MYO1G: variants seen among roughly 807,000 people sequenced by gnomAD.
MYO1G encodes unconventional myosin-Ig.
Under a neutral mutation model 115.3 loss-of-function variants are expected in MYO1G, and 65 were observed. The ratio of observed to expected loss-of-function variants is 0.56; its 90% CI spans 0.46 to 0.69. The LOEUF (loss-of-function observed/expected upper bound fraction) is 0.69. MYO1G is among the 30% of genes least tolerant of loss of function. The pLI, the probability that MYO1G is intolerant of heterozygous loss-of-function variation, is 0.00. For missense variants in MYO1G, 1,204 were observed against 1,393.5 expected (o/e 0.86, Z 2.16); for synonymous variants, 510 against 552.6 (o/e 0.92, Z 1.08).
chr7:44,975,112 C>T, intron 5 of MYO1G, 62 bp downstream of exon 5: 12 of 1,551,920 alleles, frequency 7.7e-6, no homozygotes, highest in East Asian at 2.2e-5. Flanking sequence ...CAAGCTGGTC[C>T]AGCTTGCTGC....
chr7:44,967,937 G>T lies in MYO1G; in HGVS notation c.1596C>A (p.Ile532=), dbSNP rs755283649. 1.2e-6 allele frequency: 2 copies of T among 1,613,990 alleles called. No individual in the cohort carries two copies. The highest frequency in any genetic ancestry group is 4.5e-5 in the East Asian group (2 of 44,886). Residue 532 remains isoleucine (I), a synonymous_variant, in exon 13 of 22, where the codon ATC becomes ATA. Transcript: ENST00000258787. ...GGAAGAGGAAATCTCTGTTCTTGTC[G>T]ATGAAGCCTTCCACGGAGTACCTAC... ...GDVTYSVEGF[I]DKNRDFLFQD...
Position 44,969,825 on chromosome 7 carries a change from G to A in MYO1G, c.1383C>T (p.His461=), listed in dbSNP as rs1253772573. The change falls in exon 11 of 22, where the codon CAC becomes CAT. Residue 461 remains histidine, a synonymous_variant. Coordinates refer to ENST00000258787, the MANE Select transcript of MYO1G (RefSeq NM_033054.3). The surrounding 1 kb of genome is among the most constrained non-coding windows in gnomAD (Gnocchi z 5.0). The part of the protein sequence containing the change: ...ATIVDLVERP[H]RGILAVLDEA... ...CGTCCAGCACGGCCAGGATGCCACG[G>A]TGGGGCCGCTCCACCAGATCCACAA... 7 of 1,613,136 alleles carry A rather than the reference G, an allele frequency of 4.3e-6. No individual in the cohort carries two copies. Among genetic ancestry groups the A allele is most frequent in the Non-Finnish European group, 5.9e-6 (7 of 1,179,718 alleles).
intron 4 of MYO1G, 85 bp from the exon 5 acceptor site, chr7:44,975,312 A>G: frequency 6.5e-7 from 1 of 1,539,862 alleles, no homozygotes; most frequent in Non-Finnish European, 9.0e-7. Flanking sequence ...GGTGCAAGGC[A>G]GGCTGGGGGT....
chr7:44,975,106 C>T (rs1795024117), intron 5 of MYO1G, 68 bp downstream of exon 5: 1 of 1,515,722 alleles, frequency 6.6e-7, no homozygotes, highest in South Asian at 1.1e-5. Context: ...GGGTCACAAG[C>T]TGGTCCAGCT....
At position 44,964,488 on chromosome 7, in the gene MYO1G, A is replaced by G. The variant is rs770384569; in HGVS notation, c.2558T>C (p.Phe853Ser). Residue 853 changes from phenylalanine (F) to serine (S), a missense_variant, in exon 19 of 22, where the codon TTT becomes TCT. By Grantham distance (155) the Phe-to-Ser change is radical (BLOSUM62 -2). Transcript: ENST00000258787. The surrounding 1 kb of genome is among the most constrained non-coding windows in gnomAD (Gnocchi z 5.1). Reference sequence around the variant, plus strand: ...CTGAAGTGTCTTTAGTCGCTGAGCAAACAGGCTTGATGCTGTGGGATTGTC... The same window carrying G: ...CTGAAGTGTCTTTAGTCGCTGAGCAGACAGGCTTGATGCTGTGGGATTGTC... ...ATDNPTASSL[F>S]AQRLKTLQDK... 24 of 1,613,954 alleles carry G rather than the reference A, an allele frequency of 1.5e-5. No individual in the cohort carries two copies.
chr7:44,967,955 G>A lies in MYO1G; in HGVS notation c.1578C>T (p.Tyr526=). ...TCTTGTCGATGAAGCCTTCCACGGAGTACCTACCAGAAGCCAGGGCTGGTG... is the reference window on the plus strand; with the variant it reads ...TCTTGTCGATGAAGCCTTCCACGGAATACCTACCAGAAGCCAGGGCTGGTG... ...RIKHYAGDVT[Y]SVEGFIDKNR... Residue 526 remains tyrosine (Y), a synonymous_variant, in exon 13 of 22, where the codon TAC becomes TAT. Transcript: ENST00000258787. 6.2e-7 allele frequency: 1 copy of A among 1,613,904 alleles called. No individual in the cohort carries two copies. The highest frequency in any genetic ancestry group is 8.5e-7 in the Non-Finnish European group (1 of 1,179,996).
rs759730175 is a variant in MYO1G, at chr7:44,970,984, C to G, written c.922G>C (p.Val308Leu). ...EGLAVAEEALVDHVAELTATP... is the reference protein window; with the variant it reads ...EGLAVAEEALLDHVAELTATP... ...GCCGTCAGCTCAGCCACATGGTCCA[C>G]CAGTGCCTCCTCGGCCACTGCCAGG... is the stretch of plus-strand genomic sequence containing the variant. The change falls in exon 8 of 22, where the codon GTG (valine) becomes CTG (leucine). Residue 308 changes from valine to leucine, a missense_variant. Coordinates refer to ENST00000258787, the MANE Select transcript of MYO1G (RefSeq NM_033054.3). The G allele has an allele frequency of 6.2e-7, 1 of 1,613,548 alleles. No individual in the cohort carries two copies. The highest frequency in any genetic ancestry group is 8.5e-7 in the Non-Finnish European group (1 of 1,180,008).
Position 44,966,280 on chromosome 7 carries a change from C to G in MYO1G, c.1950G>C (p.Arg650Ser), listed in dbSNP as rs774073573. The change falls in exon 16 of 22, where the codon AGG becomes AGC. Residue 650 changes from arginine (R) to serine (S), a missense_variant and splice_region_variant. Coordinates refer to ENST00000258787, the MANE Select transcript of MYO1G (RefSeq NM_033054.3). The surrounding 1 kb of genome is among the most constrained non-coding windows in gnomAD (Gnocchi z 5.0). ...SRQPYSRFLL[R>S]YKMTCEYTWP... is the part of the protein sequence containing the mutation. The stretch of plus-strand genomic sequence containing the variant: ...ATGTGTATTCACAGGTCATCTTGTA[C>G]CTGTCACCACAGGACAGGGCAGTGT... 6.2e-7 allele frequency: 1 copy of G among 1,601,320 alleles called. No individual in the cohort carries two copies. The highest frequency in any genetic ancestry group is 1.3e-5 in the African/African-American group (1 of 74,820).
intron 5 of MYO1G, chr7:44,973,199 G>A (rs1421733491): frequency 6.6e-6 from 1 of 150,720 alleles, no homozygotes; most frequent in Non-Finnish European, 1.5e-5. Flanking sequence ...TGTTCCAGAG[G>A]GCTCCCACCT....
rs1484121866 is a variant in MYO1G at position 44,964,942 on chromosome 7, T to C, written c.2526+3A>G. ...GGCAGCCCTGGACTCGCCTGGCACTTACAGAGGACAGGTAGTCTCGGGCCC... is the reference window on the plus strand; with the variant it reads ...GGCAGCCCTGGACTCGCCTGGCACTCACAGAGGACAGGTAGTCTCGGGCCC... On this transcript the variant is annotated splice_donor_region_variant and intron_variant, in intron 18 of 21. Coordinates refer to ENST00000258787, the MANE Select transcript of MYO1G (RefSeq NM_033054.3). The surrounding 1 kb of genome is among the most constrained non-coding windows in gnomAD (Gnocchi z 5.1). The C allele has an allele frequency of 6.3e-6, 10 of 1,585,640 alleles. No individual in the cohort carries two copies. The Admixed American group carries it at 1.7e-4, about 27-fold the overall frequency.
chr7:44,975,279 G>A, intron 4 of MYO1G, 52 bp from the exon 5 acceptor site: 1 of 1,603,854 alleles, frequency 6.2e-7, no homozygotes. Flanking sequence ...TCTGACCCTG[G>A]GGACCCCATC....
At chr7:44,978,627 T>G (rs985965322) in intron 1 of MYO1G, among the ~76,000 whole-genome samples, 3 of 152,186 alleles carry the variant, frequency 2.0e-5, no homozygotes, top group African/African-American at 7.2e-5. Flanking sequence ...GTTGAGGTGG[T>G]GGGCAGCTCC....
At chr7:44,971,106 G>C in intron 7 of MYO1G, 47 bp from the exon 8 acceptor site, 1 of 1,537,424 alleles carries the variant, frequency 6.5e-7, no homozygotes. Flanking sequence ...TGTCTCAAAA[G>C]AGCCTGGACA....
Position 44,967,638 on chromosome 7 carries a change from G to T in MYO1G, c.1749C>A (p.Ser583=). The change falls in exon 14 of 22, where the codon TCC becomes TCA. Residue 583 remains serine, a synonymous_variant. Coordinates refer to ENST00000258787, the MANE Select transcript of MYO1G (RefSeq NM_033054.3). ...PLTAGTLFKN[S]MVALVENLAS... is the part of the protein sequence containing the mutation. ...CAAGGTTCTCCACCAGGGCCACCATGGAGTTCTTGAAGAGTGTGCCAGCCG... is the reference window on the plus strand; with the variant it reads ...CAAGGTTCTCCACCAGGGCCACCATTGAGTTCTTGAAGAGTGTGCCAGCCG... 3 of 1,613,898 alleles carry T rather than the reference G, an allele frequency of 1.9e-6. No individual in the cohort carries two copies. The highest frequency in any genetic ancestry group is 2.5e-6 in the Non-Finnish European group (3 of 1,180,032).
intron 1 of MYO1G, 140 bp from the exon 2 acceptor site, chr7:44,977,211 G>A: frequency 2.6e-6 from 2 of 771,786 alleles, no homozygotes; most frequent in South Asian, 1.8e-5. Context: ...AGGAAGAAGG[G>A]GGCAGGTGTT....
intron 17 of MYO1G, among the ~76,000 whole-genome samples, chr7:44,965,358 C>T (rs569489092): frequency 4.6e-5 from 7 of 152,360 alleles, no homozygotes; most frequent in South Asian, 2.1e-4. Flanking sequence ...CTCAAGACCC[C>T]GCTCAGATGC....
chr7:44,970,582 A>G lies in MYO1G; in HGVS notation c.1217+10T>C. ...GTCAGAGGTGGAGATGTGGCTGGCC[A>G]GCCACCCACCTGTTGACGGGAAACA... is the stretch of plus-strand genomic sequence containing the variant. On this transcript the variant is annotated intron_variant, in intron 9 of 21. Transcript: ENST00000258787. The G allele has an allele frequency of 6.2e-7, 1 of 1,611,194 alleles. No individual in the cohort carries two copies. The highest frequency in any genetic ancestry group is 8.5e-7 in the Non-Finnish European group (1 of 1,179,166).
rs1299798954 is a variant in MYO1G at position 44,970,085 on chromosome 7, C to T, written c.1287G>A (p.Lys429=). The T allele has an allele frequency of 1.2e-6, 2 of 1,613,998 alleles. No individual in the cohort carries two copies. Among genetic ancestry groups the T allele is most frequent in the Non-Finnish European group, 1.7e-6 (2 of 1,180,028 alleles). ...CGCGCTCGTACTCTTCCTGTTCCTG[C>T]TTCAGGATGAGCTGGATGAATAGCT... The part of the protein sequence containing the change: ...LQQLFIQLIL[K]QEQEEYEREG... The change falls in exon 10 of 22, where the codon AAG becomes AAA. Residue 429 remains lysine, a synonymous_variant. Coordinates refer to ENST00000258787, the MANE Select transcript of MYO1G (RefSeq NM_033054.3).
intron 17 of MYO1G, among the ~76,000 whole-genome samples, 183 bp downstream of exon 17, chr7:44,965,454 T>C (rs947842153): frequency 6.6e-6 from 1 of 152,206 alleles, no homozygotes; most frequent in Non-Finnish European, 1.5e-5. Flanking sequence ...GTACCCAAGA[T>C]GGTCAGGGCT....
Sources: gnomAD v4.1 joint callset for allele counts (sites outside exome capture counted in the v4.1 genomes callset) on GRCh38, gnomAD v4.1.1 for gene constraint, Gnocchi (gnomAD v3.1) non-coding constraint, MANE v1.5 for transcripts, NCBI Gene and HGNC (gene_info 2026-07-23, HGNC 2026-07-21) for gene names.